Variants in DNAJC5B observed in about 807,000 individuals in gnomAD.
The protein encoded by DNAJC5B is DnaJ heat shock protein family (Hsp40) member C5 beta.
A neutral mutation model predicts 24.7 loss-of-function variants in DNAJC5B; 23 were observed. That is an observed-to-expected ratio of 0.93 (90% CI 0.67 to 1.32). DNAJC5B has a LOEUF of 1.32. Ranked by LOEUF, DNAJC5B falls within the 40% of genes most tolerant of loss-of-function variation. DNAJC5B has a pLI of 0.00. For missense variants in DNAJC5B, 238 were observed against 240.8 expected, an observed-to-expected ratio of 0.99 and a Z score of 0.08; for synonymous variants, 101 against 90.1, an observed-to-expected ratio of 1.12 and a Z score of -0.68.
At chr8:66,033,933 C>T (rs1278844523) in intron 1 of DNAJC5B, among the ~76,000 whole-genome samples, 4 of 152,046 alleles carry the variant, frequency 2.6e-5, no homozygotes, top group Non-Finnish European at 5.9e-5. Context: ...ACGAAGGTCT[C>T]ACTGGTAAAA....
intron 4 of DNAJC5B, among the ~76,000 whole-genome samples, chr8:66,078,434 A>C (rs1430522528): frequency 1.3e-5 from 2 of 152,178 alleles, no homozygotes; most frequent in African/African-American, 4.8e-5. Context: ...TTGGACACCT[A>C]CCTGTGCCTA....
intron 3 of DNAJC5B, among the ~76,000 whole-genome samples, chr8:66,054,508 C>T (rs1441461004): frequency 2.6e-5 from 4 of 152,180 alleles, no homozygotes; most frequent in Non-Finnish European, 5.9e-5. Flanking sequence ...CCCACTAATA[C>T]TTATTGAGTC....
intron 1 of DNAJC5B, among the ~76,000 whole-genome samples, chr8:66,021,958 G>A (rs532103998): frequency 1.9e-4 from 29 of 152,270 alleles, no homozygotes; most frequent in South Asian, 8.3e-4. Flanking sequence ...ACAGGGTAGA[G>A]TAAACAAAAA....
At chr8:66,099,582 G>T (rs140371238) in intron 5 of DNAJC5B, among the ~76,000 whole-genome samples, 2 of 152,284 alleles carry the variant, frequency 1.3e-5, no homozygotes, top group African/African-American at 2.4e-5. Context: ...CTATATGAAA[G>T]GTGCCCTTTG....
chr8:66,024,424 TG>T (rs146870970), intron 1 of DNAJC5B, among the ~76,000 whole-genome samples: 52,550 of 133,764 alleles, frequency 0.39, 11,497 homozygotes, highest in African/African-American at 0.7. Flanking sequence ...TTTTTTTTAA[TG>T]TTTTTTTTTT....
intron 3 of DNAJC5B, among the ~76,000 whole-genome samples, chr8:66,072,578 A>G (rs184911417): frequency 3.9e-5 from 6 of 152,336 alleles, no homozygotes; most frequent in Admixed American, 3.3e-4. Flanking sequence ...TATGTTAAAG[A>G]GCAAAATTTT....
rs182894407 is a variant in DNAJC5B, at chr8:66,067,177, C to T, written c.120-9483C>T. ...AACTAGAAAAACTGAAAGAACACAC[C>T]CCCCACCCTCCCCCACTTCCCACCG... On this transcript the variant is annotated intron_variant, in intron 3 of 5. Transcript: ENST00000276570. Among the ~76,000 whole-genome samples, 398 of 147,872 alleles carry T rather than the reference C, an allele frequency of 2.7e-3. 4 individuals are homozygous for T. Among genetic ancestry groups the T allele is most frequent in the African/African-American group, 8.8e-3 (351 of 39,960 alleles).
intron 3 of DNAJC5B, among the ~76,000 whole-genome samples, chr8:66,066,841 C>A (rs975658305): frequency 6.6e-6 from 1 of 152,156 alleles, no homozygotes; most frequent in African/African-American, 2.4e-5. Flanking sequence ...CAAAAACCAC[C>A]TGTACTCCAA....
At chr8:66,029,637 C>T (rs561515990) in intron 1 of DNAJC5B, among the ~76,000 whole-genome samples, 1 of 152,100 alleles carries the variant, frequency 6.6e-6, no homozygotes, top group Non-Finnish European at 1.5e-5. Context: ...TTCACTACCT[C>T]TATTCAAGAA....
intron 2 of DNAJC5B, among the ~76,000 whole-genome samples, chr8:66,048,595 G>A (rs1346716469): frequency 1.4e-4 from 21 of 152,064 alleles, no homozygotes; most frequent in Non-Finnish European, 1.5e-5. Context: ...TTCTCTCTGA[G>A]CTAGATCCCA....
At chr8:66,082,821 T>C (rs1434221211) in intron 5 of DNAJC5B, among the ~76,000 whole-genome samples, 1 of 152,084 alleles carries the variant, frequency 6.6e-6, no homozygotes, top group East Asian at 1.9e-4. Flanking sequence ...CACAACAAAT[T>C]GCAAGGCTTA....
intron 1 of DNAJC5B, among the ~76,000 whole-genome samples, chr8:66,027,634 C>A (rs1157945028): frequency 2.0e-5 from 3 of 152,186 alleles, no homozygotes; most frequent in Non-Finnish European, 4.4e-5. Flanking sequence ...TACTTGGCAA[C>A]TAGAAGACCA....
intron 5 of DNAJC5B, among the ~76,000 whole-genome samples, chr8:66,088,878 C>T (rs1313448431): frequency 6.6e-6 from 1 of 152,144 alleles, no homozygotes; most frequent in Non-Finnish European, 1.5e-5. Context: ...TAGACAGTTC[C>T]AAACTTTCCC....
At chr8:66,053,112 C>CT (rs1016240925) in intron 3 of DNAJC5B, among the ~76,000 whole-genome samples, 1 of 151,854 alleles carries the variant, frequency 6.6e-6, no homozygotes, top group African/African-American at 2.4e-5. Context: ...TTTAAAATTA[C>CT]TTTTTTAAAA....
At chr8:66,034,058 A>G (rs1415609490) in intron 1 of DNAJC5B, among the ~76,000 whole-genome samples, 1 of 152,006 alleles carries the variant, frequency 6.6e-6, no homozygotes, top group African/African-American at 2.4e-5. Flanking sequence ...CAGTTTCTTG[A>G]TTTATAAAGT....
At chr8:66,059,679 G>A (rs912837085) in intron 3 of DNAJC5B, among the ~76,000 whole-genome samples, 10 of 152,186 alleles carry the variant, frequency 6.6e-5, no homozygotes, top group Non-Finnish European at 1.2e-4. Flanking sequence ...TCTCCTCTGC[G>A]GAAGTCTCCC....
intron 1 of DNAJC5B, among the ~76,000 whole-genome samples, chr8:66,035,858 C>G (rs1325160461): frequency 1.3e-5 from 2 of 152,150 alleles, no homozygotes; most frequent in East Asian, 3.9e-4. Flanking sequence ...TTTTACCTTT[C>G]CCTGTCTCTG....
intron 5 of DNAJC5B, among the ~76,000 whole-genome samples, chr8:66,093,540 A>C (rs1452213106): frequency 6.6e-6 from 1 of 152,162 alleles, no homozygotes; most frequent in Non-Finnish European, 1.5e-5. Context: ...CCCTTCTATG[A>C]AATGCCCTTT....
upstream of DNAJC5B, among the ~76,000 whole-genome samples, chr8:66,017,481 C>T (rs115482352): frequency 6.9e-3 from 1,054 of 152,296 alleles, 13 homozygotes; most frequent in African/African-American, 0.023. Context: ...TCTACAGGCA[C>T]GCTTCCATTT....
Sources: allele counts gnomAD v4.1 joint callset (sites outside exome capture counted in the v4.1 genomes callset), GRCh38; gene constraint gnomAD v4.1.1; transcripts MANE v1.5; gene names NCBI Gene and HGNC (gene_info 2026-07-23, HGNC 2026-07-21).